Variants in CFH observed in about 807,000 individuals in gnomAD.
CFH encodes H factor 1 (complement).
In CFH, 53 loss-of-function variants were observed where a neutral mutation model predicts 147.3. That is an observed-to-expected ratio of 0.36 (90% confidence interval 0.29 to 0.45). The LOEUF (loss-of-function observed/expected upper bound fraction) is 0.45, where lower values mean the gene tolerates loss of function less well. Among genes scored for constraint, CFH ranks in the 20% least tolerant of loss-of-function variants. The probability of loss-of-function intolerance (pLI) is 1.00; values close to 1 mark genes in which losing one functional copy is unlikely to be tolerated. For missense variants in CFH, 1,380 were observed against 1,498.0 expected, an observed-to-expected ratio of 0.92 and a Z score of 1.30; for synonymous variants, 536 against 489.4, an observed-to-expected ratio of 1.10 and a Z score of -1.26.
intron 1 of CFH, among the ~76,000 whole-genome samples, chr1:196,667,684 G>A (rs992093172): frequency 6.6e-6 from 1 of 152,084 alleles, no homozygotes; most frequent in African/African-American, 2.4e-5. Flanking sequence ...TATATTTAAT[G>A]TAATTACTGA....
At chr1:196,653,777 G>T (rs1666584639) in intron 1 of CFH, among the ~76,000 whole-genome samples, 1 of 151,914 alleles carries the variant, frequency 6.6e-6, no homozygotes. Flanking sequence ...TTTAAATGTG[G>T]TATCAGTTTC....
Position 196,689,440 on chromosome 1 carries a change from G to T in CFH, c.985G>T (p.Asp329Tyr). 1 of 1,612,696 alleles carries T rather than the reference G, an allele frequency of 6.2e-7. No individual in the cohort carries two copies. Among genetic ancestry groups the T allele is most frequent in the Non-Finnish European group, 8.5e-7 (1 of 1,179,358 alleles). Reference sequence around the variant, plus strand: ...GCAAGTGAAACCTTGTGATTATCCAGACATTAAACATGGAGGTCTATATCA... The same window carrying T: ...GCAAGTGAAACCTTGTGATTATCCATACATTAAACATGGAGGTCTATATCA... ...RCTLKPCDYP[D>Y]IKHGGLYHEN... Residue 329 changes from aspartate to tyrosine, a missense_variant, in exon 8 of 22, where the codon GAC becomes TAC. By Grantham distance (160) the Asp-to-Tyr change is radical (BLOSUM62 -3). Around this residue, in one of 4 missense-constraint regions of CFH, gnomAD observed 167 missense variants for 228.0 expected, o/e 0.73. Coordinates refer to ENST00000367429, the MANE Select transcript of CFH (RefSeq NM_000186.4).
At chr1:196,738,667 C>T in intron 17 of CFH, among the ~76,000 whole-genome samples, 1 of 152,134 alleles carries the variant, frequency 6.6e-6, no homozygotes, top group South Asian at 2.1e-4. Context: ...GCAGATGTGG[C>T]TTTGTCCCCC....
At chr1:196,713,037 TC>T (rs1668761569) in intron 9 of CFH, among the ~76,000 whole-genome samples, 1 of 152,042 alleles carries the variant, frequency 6.6e-6, no homozygotes, top group Non-Finnish European at 1.5e-5. Flanking sequence ...TTGGGTTGGT[TC>T]CAAGTCTTTG....
chr1:196,679,420 A>G, intron 5 of CFH: 1 of 436,624 alleles, frequency 2.3e-6, no homozygotes, highest in Non-Finnish European at 4.2e-6. Context: ...CTGAAACTAA[A>G]TAAAATCAGA....
intron 9 of CFH, among the ~76,000 whole-genome samples, chr1:196,698,585 A>G (rs1324447249): frequency 6.6e-6 from 1 of 152,218 alleles, no homozygotes; most frequent in Admixed American, 6.5e-5. Flanking sequence ...AGTAATTAAT[A>G]GCCTGCCAAC....
intron 1 of CFH, among the ~76,000 whole-genome samples, chr1:196,653,591 C>G (rs1385224363): frequency 6.6e-6 from 1 of 151,766 alleles, no homozygotes; most frequent in East Asian, 1.9e-4. Context: ...AATCAAGAAT[C>G]AATGGCAAGT....
At chr1:196,682,551 G>T (rs141367671) in intron 6 of CFH, among the ~76,000 whole-genome samples, 1 of 151,188 alleles carries the variant, frequency 6.6e-6, no homozygotes, top group African/African-American at 2.4e-5. Flanking sequence ...GCATCTCATA[G>T]CTTTTGACTT....
At chr1:196,690,396 A>G (rs1377908718) in intron 9 of CFH, 157 bp downstream of exon 9, 3 of 962,404 alleles carry the variant, frequency 3.1e-6, no homozygotes, top group Non-Finnish European at 5.0e-6. Context: ...CTGTGTATAA[A>G]TGAATATACA....
chr1:196,746,193 C>G (rs1342987595), intron 21 of CFH, among the ~76,000 whole-genome samples, 194 bp downstream of exon 21: 1 of 152,172 alleles, frequency 6.6e-6, no homozygotes, highest in African/African-American at 2.4e-5. Context: ...CACCTGTAAT[C>G]CCAGCACTTT....
At position 196,729,353 on chromosome 1, in the gene CFH, G is replaced by A. The variant is rs796851785; in HGVS notation, c.2413+831G>A. On this transcript the variant is annotated intron_variant, in intron 15 of 21. Coordinates refer to ENST00000367429, the MANE Select transcript of CFH (RefSeq NM_000186.4). ...TCTATATAGATTTATTAAAATGATCGTATAGTTATCGTCCTTTCTGTTAAT... is the reference window on the plus strand; with the variant it reads ...TCTATATAGATTTATTAAAATGATCATATAGTTATCGTCCTTTCTGTTAAT... Among the ~76,000 whole-genome samples, 81 of 152,012 alleles carry A rather than the reference G, an allele frequency of 5.3e-4. 1 individual carries two copies. The highest frequency in any genetic ancestry group is 3.4e-3 in the Middle Eastern group (1 of 294).
intron 2 of CFH, chr1:196,673,483 C>T (rs1429175703): frequency 2.1e-5 from 8 of 380,626 alleles, no homozygotes; most frequent in South Asian, 9.4e-5. Context: ...ACTATAGGCA[C>T]GTGCCACCAC....
intron 7 of CFH, 150 bp downstream of exon 7, chr1:196,685,387 G>A (rs959855232): frequency 3.0e-5 from 24 of 792,412 alleles, no homozygotes; most frequent in African/African-American, 1.7e-4. Context: ...CGAAGTTGCC[G>A]AAACTCATAT....
chr1:196,722,214 T>G (rs780739553), intron 11 of CFH, among the ~76,000 whole-genome samples: 1 of 152,116 alleles, frequency 6.6e-6, no homozygotes, highest in Non-Finnish European at 1.5e-5. Context: ...CAGGACTCCC[T>G]GGATCATTTC....
intron 20 of CFH, among the ~76,000 whole-genome samples, chr1:196,744,597 A>G (rs1280953820): frequency 6.6e-6 from 1 of 152,112 alleles, no homozygotes; most frequent in Non-Finnish European, 1.5e-5. Context: ...GAATATGGAA[A>G]CCTTACTTTC....
At chr1:196,742,753 G>A (rs1652852991) in intron 19 of CFH, among the ~76,000 whole-genome samples, 1 of 152,172 alleles carries the variant, frequency 6.6e-6, no homozygotes, top group Non-Finnish European at 1.5e-5. Context: ...CGAGTGAGAA[G>A]CATTGCTATA....
chr1:196,732,514 T>A (rs939085996), intron 15 of CFH, among the ~76,000 whole-genome samples: 4 of 151,980 alleles, frequency 2.6e-5, no homozygotes, highest in African/African-American at 9.7e-5. Context: ...TTGTTTGGAG[T>A]TATGATATCT....
chr1:196,664,485 G>T (rs1437531369), intron 1 of CFH, among the ~76,000 whole-genome samples: 1 of 152,140 alleles, frequency 6.6e-6, no homozygotes. Flanking sequence ...GAGCCATAAT[G>T]TCTCGCTACT....
At chr1:196,661,886 G>GTTTGTTTTGTTTTGTTTGT (rs571509053) in intron 1 of CFH, among the ~76,000 whole-genome samples, 1 of 151,918 alleles carries the variant, frequency 6.6e-6, no homozygotes, top group African/African-American at 2.4e-5. Flanking sequence ...GTTTTGTTTT[G>GTTTGTTTTGTTTTGTTTGT]TTTGTTTTGT....
Sources: gnomAD v4.1 joint callset for allele counts (sites outside exome capture counted in the v4.1 genomes callset) on GRCh38, gnomAD v4.1.1 for gene constraint, gnomAD v4.1.1 regional missense constraint, MANE v1.5 for transcripts, NCBI Gene and HGNC (gene_info 2026-07-23, HGNC 2026-07-21) for gene names.